BANK1: variants seen among roughly 807,000 people sequenced by gnomAD.
The protein encoded by BANK1 is B cell scaffold protein with ankyrin repeats 1, also known as B-cell scaffold protein with ankyrin repeats.
In BANK1, 95 loss-of-function variants were observed where a neutral mutation model predicts 94.5. The observed-to-expected ratio is 1.00, with a 90% CI of 0.85 to 1.19. The LOEUF is 1.19. Ranked by LOEUF, BANK1 falls within the 50% of genes most tolerant of loss-of-function variation. The pLI, the probability that BANK1 is intolerant of heterozygous loss-of-function variation, is 0.00. For missense variants in BANK1, 987 were observed against 932.2 expected, an observed-to-expected ratio of 1.06 and a Z score of -0.77; for synonymous variants, 334 against 308.4, an observed-to-expected ratio of 1.08 and a Z score of -0.87.
chr4:101,831,810 T>A (rs1261414611), intron 2 of BANK1, among the ~76,000 whole-genome samples: 1 of 152,202 alleles, frequency 6.6e-6, no homozygotes, highest in Non-Finnish European at 1.5e-5. Context: ...TCTCTAAATT[T>A]TAGCAACTTA....
intron 1 of BANK1, among the ~76,000 whole-genome samples, chr4:101,821,797 AAAG>A (rs1473527166): frequency 2.0e-5 from 3 of 152,204 alleles, no homozygotes. Context: ...TGGACCCATG[AAAG>A]AAAAGTCGTA....
chr4:101,993,212 GT>G (rs1270541786), intron 7 of BANK1, among the ~76,000 whole-genome samples: 1 of 152,112 alleles, frequency 6.6e-6, no homozygotes, highest in Non-Finnish European at 1.5e-5. Context: ...GCATGCTCTA[GT>G]TTTGAAAGAA....
At chr4:101,968,371 TAAAG>T (rs1724834356) in intron 7 of BANK1, among the ~76,000 whole-genome samples, 1 of 152,080 alleles carries the variant, frequency 6.6e-6, no homozygotes, top group African/African-American at 2.4e-5. Context: ...GCATAGAAGA[TAAAG>T]AACATTGTGA....
At chr4:101,988,356 G>T (rs765902961) in intron 7 of BANK1, among the ~76,000 whole-genome samples, 71 of 152,110 alleles carry the variant, frequency 4.7e-4, no homozygotes, top group African/African-American at 1.5e-3. Context: ...CTATAATTTC[G>T]CTTGTAGGGA....
chr4:102,012,841 A>C (rs114203404), intron 7 of BANK1, among the ~76,000 whole-genome samples: 2,810 of 152,218 alleles, frequency 0.018, 63 homozygotes, highest in Middle Eastern at 0.058. Context: ...AACAAAAAAA[A>C]AATTGCCTCT....
At chr4:101,983,349 G>T (rs1725381167) in intron 7 of BANK1, among the ~76,000 whole-genome samples, 1 of 151,976 alleles carries the variant, frequency 6.6e-6, no homozygotes, top group Non-Finnish European at 1.5e-5. Context: ...TCAGACTCTG[G>T]GATCATACTA....
rs1481954911 is a variant in BANK1, at chr4:101,855,097, A to C, written c.532A>C (p.Ile178Leu). The C allele has an allele frequency of 6.2e-7, 1 of 1,613,534 alleles. No homozygotes were observed. The highest frequency in any genetic ancestry group is 1.7e-5 in the Admixed American group (1 of 59,986). Residue 178 changes from isoleucine to leucine, a missense_variant, in exon 3 of 17, where the codon ATA becomes CTA. Physicochemically the swap from Ile to Leu is conservative, Grantham distance 5. Coordinates refer to ENST00000322953, the MANE Select transcript of BANK1 (RefSeq NM_017935.5). The part of the protein sequence containing the change: ...TDLRAKHSGE[I>L]SERKEIEELS... ...CCTACGAGCAAAACATTCTGGGGAAATAAGTGAGAGAAAGGAAATTGAAGA... is the reference window on the plus strand; with the variant it reads ...CCTACGAGCAAAACATTCTGGGGAACTAAGTGAGAGAAAGGAAATTGAAGA...
intron 5 of BANK1, among the ~76,000 whole-genome samples, chr4:101,889,794 T>A (rs1026843835): frequency 6.6e-6 from 1 of 152,088 alleles, no homozygotes; most frequent in Non-Finnish European, 1.5e-5. Context: ...CTTTCTCTCT[T>A]TTCCAATGTA....
At chr4:102,000,398 T>C (rs1726023019) in intron 7 of BANK1, among the ~76,000 whole-genome samples, 1 of 150,472 alleles carries the variant, frequency 6.6e-6, no homozygotes, top group Non-Finnish European at 1.5e-5. Context: ...AAATTGGGAA[T>C]TGCAACAAAT....
chr4:101,924,009 C>T (rs927416362), intron 7 of BANK1, among the ~76,000 whole-genome samples: 1 of 151,718 alleles, frequency 6.6e-6, no homozygotes, highest in Non-Finnish European at 1.5e-5. Context: ...TTTGCCTACT[C>T]ATACTGTAAG....
At chr4:101,794,596 T>C (rs1725092226) in intron 1 of BANK1, among the ~76,000 whole-genome samples, 1 of 152,148 alleles carries the variant, frequency 6.6e-6, no homozygotes, top group African/African-American at 2.4e-5. Flanking sequence ...TTTCCTGTTT[T>C]AAATATAAAG....
rs150903005 is a variant in BANK1 at position 101,870,538 on chromosome 4, A to C, written c.797A>C (p.Tyr266Ser). The C allele has an allele frequency of 6.2e-7, 1 of 1,612,714 alleles. No homozygotes were observed. The highest frequency in any genetic ancestry group is 2.2e-5 in the East Asian group (1 of 44,826). Residue 266 changes from tyrosine (Y) to serine (S), a missense_variant, in exon 5 of 17, where the codon TAC (tyrosine) becomes TCC (serine). Transcript: ENST00000322953. The part of the protein sequence containing the change: ...FPAGSVHVNV[Y>S]CDGIVKATTK... Reference sequence around the variant, plus strand: ...GCTGGTTCAGTCCATGTCAATGTCTACTGTGATGGAATCGTTAAAGCTACA... The same window carrying C: ...GCTGGTTCAGTCCATGTCAATGTCTCCTGTGATGGAATCGTTAAAGCTACA...
At chr4:102,025,733 T>TCCTC (rs1201527822) in intron 9 of BANK1, among the ~76,000 whole-genome samples, 1 of 151,960 alleles carries the variant, frequency 6.6e-6, no homozygotes, top group Non-Finnish European at 1.5e-5. Flanking sequence ...CTTCCTTCCT[T>TCCTC]CCTCCCTCCC....
intron 7 of BANK1, among the ~76,000 whole-genome samples, chr4:101,959,949 C>A (rs1241087092): frequency 2.0e-5 from 3 of 152,184 alleles, no homozygotes; most frequent in African/African-American, 7.2e-5. Context: ...CTTCCCTGAT[C>A]TCATCCTCAA....
intron 7 of BANK1, among the ~76,000 whole-genome samples, chr4:101,925,421 C>T (rs185938831): frequency 1.4e-3 from 219 of 151,722 alleles, no homozygotes; most frequent in African/African-American, 5.1e-3. Context: ...ATTACCTATG[C>T]CTCAGTAGGT....
chr4:102,032,853 C>T (rs1251771461), intron 10 of BANK1, among the ~76,000 whole-genome samples: 3 of 151,658 alleles, frequency 2.0e-5, no homozygotes, highest in Non-Finnish European at 2.9e-5. Context: ...CCACTCCACT[C>T]CAGCCTGAGC....
At chr4:101,906,241 C>G (rs1438184310) in intron 6 of BANK1, among the ~76,000 whole-genome samples, 2 of 152,158 alleles carry the variant, frequency 1.3e-5, no homozygotes, top group East Asian at 3.8e-4. Flanking sequence ...AGTCCCATTA[C>G]AAAAGGAGAA....
At chr4:101,994,210 A>T (rs1486741356) in intron 7 of BANK1, among the ~76,000 whole-genome samples, 2 of 152,196 alleles carry the variant, frequency 1.3e-5, no homozygotes, top group East Asian at 1.9e-4. Context: ...AAGTTTTGTT[A>T]AATTCCAATT....
intron 11 of BANK1, among the ~76,000 whole-genome samples, chr4:102,052,113 C>CTTTTTTTTTTTTTTTTTTTTTTTTTTT (rs199811166): frequency 9.6e-6 from 1 of 103,994 alleles, no homozygotes; most frequent in African/African-American, 4.1e-5. Context: ...TTCTTTTTTT[C>CTTTTTTTTTTTTTTTTTTTTTTTTTTT]TTTTTTTTTT....
Sources: allele counts gnomAD v4.1 joint callset (sites outside exome capture counted in the v4.1 genomes callset), GRCh38; gene constraint gnomAD v4.1.1; transcripts MANE v1.5; gene names NCBI Gene and HGNC (gene_info 2026-07-23, HGNC 2026-07-21).